Variants in EZH1 observed in about 807,000 individuals in gnomAD.
The protein encoded by EZH1 is enhancer of zeste 1 polycomb repressive complex 2 subunit, also known as histone-lysine N-methyltransferase EZH1.
Under a neutral mutation model 100.5 loss-of-function variants are expected in EZH1, and 33 were observed. That is an observed-to-expected ratio of 0.33 (90% confidence interval 0.25 to 0.44). The LOEUF is 0.44. EZH1 is among the 20% of genes least tolerant of loss of function. The pLI, the probability that EZH1 is intolerant of heterozygous loss-of-function variation, is 1.00. For missense variants in EZH1, 475 were observed against 928.4 expected, an observed-to-expected ratio of 0.51 and a Z score of 6.35; for synonymous variants, 272 against 313.8, an observed-to-expected ratio of 0.87 and a Z score of 1.41.
intron 13 of EZH1, 121 bp from the exon 14 acceptor site, chr17:42,709,037 A>G: frequency 1.8e-6 from 2 of 1,085,770 alleles, no homozygotes; most frequent in Non-Finnish European, 2.8e-6. Context: ...TATCTTCCCA[A>G]ACCCCTCAAC....
intron 8 of EZH1, 89 bp downstream of exon 8, chr17:42,719,016 C>T: frequency 1.0e-6 from 1 of 983,488 alleles, no homozygotes; most frequent in Non-Finnish European, 1.6e-6. Flanking sequence ...TTACCATAAA[C>T]AAAGCTTTTT....
At chr17:42,728,800 C>G (rs770026995) in intron 3 of EZH1, 25 bp downstream of exon 3, 1 of 1,604,092 alleles carries the variant, frequency 6.2e-7, no homozygotes, top group South Asian at 1.1e-5. Context: ...AATATATAAA[C>G]TTTCACTTGG....
chr17:42,720,801 G>A (rs1349074187), intron 6 of EZH1, among the ~76,000 whole-genome samples: 5 of 151,950 alleles, frequency 3.3e-5, no homozygotes, highest in African/African-American at 7.3e-5. Context: ...CTGAGATTAC[G>A]CATGTGCCAC....
At chr17:42,741,009 T>C (rs1161661675) in intron 1 of EZH1, among the ~76,000 whole-genome samples, 1 of 152,236 alleles carries the variant, frequency 6.6e-6, no homozygotes, top group East Asian at 1.9e-4. Flanking sequence ...CTGGGGACTT[T>C]CCAGAATGGA....
intron 11 of EZH1, among the ~76,000 whole-genome samples, 172 bp downstream of exon 11, chr17:42,713,037 C>CCA (rs1432167640): frequency 7.1e-5 from 6 of 83,998 alleles, no homozygotes; most frequent in African/African-American, 9.7e-5. Context: ...GAGACTGTTT[C>CCA]AAAAAAAAAA....
intron 10 of EZH1, among the ~76,000 whole-genome samples, chr17:42,714,949 A>T (rs991272646): frequency 1.4e-5 from 2 of 139,266 alleles, no homozygotes; most frequent in Non-Finnish European, 3.1e-5. Context: ...ATATATATTT[A>T]TATAATATAT....
At chr17:42,708,661 A>G (rs554035533) in intron 14 of EZH1, among the ~76,000 whole-genome samples, 75 of 152,242 alleles carry the variant, frequency 4.9e-4, no homozygotes, top group African/African-American at 1.7e-3. Context: ...TCTCAAAAAA[A>G]AGAAAAATCA....
chr17:42,705,051 C>A, intron 17 of EZH1, 37 bp downstream of exon 17: 1 of 1,521,182 alleles, frequency 6.6e-7, no homozygotes, highest in South Asian at 1.1e-5. Flanking sequence ...ATCAGTCTCC[C>A]CCGAGTAAGA....
intron 1 of EZH1, among the ~76,000 whole-genome samples, chr17:42,738,755 A>ATTT (rs763333138): frequency 7.7e-5 from 7 of 91,210 alleles, no homozygotes; most frequent in African/African-American, 1.7e-4. Context: ...CCTGGCCTAG[A>ATTT]TTTTTTTTTT....
At chr17:42,724,798 A>G (rs578256868) in intron 4 of EZH1, among the ~76,000 whole-genome samples, 1 of 152,052 alleles carries the variant, frequency 6.6e-6, no homozygotes, top group African/African-American at 2.4e-5. Flanking sequence ...AAAAAAGAGA[A>G]AAAAAATGAT....
chr17:42,727,824 A>T, intron 3 of EZH1, 61 bp from the exon 4 acceptor site: 3 of 1,207,108 alleles, frequency 2.5e-6, no homozygotes, highest in Non-Finnish European at 2.1e-6. Flanking sequence ...TTAATAATTT[A>T]TTTTTTTGAG....
At chr17:42,725,807 G>A (rs747567129) in intron 4 of EZH1, among the ~76,000 whole-genome samples, 5 of 152,188 alleles carry the variant, frequency 3.3e-5, no homozygotes, top group Non-Finnish European at 7.3e-5. Context: ...AGTACATGGA[G>A]AAGCAAAGTG....
rs181740770 is a variant in EZH1 at position 42,730,717 on chromosome 17, C to T, written c.-12+111G>A. ...TTCACCGTGTTAGCCAGGATGGTCTCGATCTCCTGACCTCGTGATCCGCCC... is the reference window on the plus strand; with the variant it reads ...TTCACCGTGTTAGCCAGGATGGTCTTGATCTCCTGACCTCGTGATCCGCCC... On this transcript the variant is annotated intron_variant, in intron 2 of 20. Coordinates refer to ENST00000428826, the MANE Select transcript of EZH1 (RefSeq NM_001991.5). 1,500 of 246,574 alleles carry T rather than the reference C, an allele frequency of 6.1e-3. 23 individuals carry two copies. The highest frequency in any genetic ancestry group is 0.032 in the African/African-American group (1,394 of 43,138). 15.3% of individuals were successfully genotyped at this position (246,574 alleles called of 1,614,324 possible).
Position 42,702,604 on chromosome 17 carries a change from C to G in EZH1, c.2184-12G>C. ...CAGCTTGGCTGTACCTGTCCCAGAG[C>G]AGGGAAGAGGAACCAGGTTACTCTC... is the stretch of plus-strand genomic sequence containing the variant. On this transcript the variant is annotated splice_polypyrimidine_tract_variant and intron_variant, in intron 20 of 20. Transcript: ENST00000428826. 6.4e-7 allele frequency: 1 copy of G among 1,563,888 alleles called. No homozygotes were observed. Among genetic ancestry groups the G allele is most frequent in the East Asian group, 2.4e-5 (1 of 42,530 alleles).
chr17:42,709,639 C>T (rs576107660), intron 13 of EZH1: 1 of 540,238 alleles, frequency 1.9e-6, no homozygotes, highest in Non-Finnish European at 3.3e-6. Flanking sequence ...GTCCACAGCA[C>T]TGGGGGACAA....
intron 11 of EZH1, 67 bp from the exon 12 acceptor site, chr17:42,712,552 A>C: frequency 6.9e-7 from 1 of 1,456,824 alleles, no homozygotes; most frequent in African/African-American, 1.4e-5. Context: ...AGTTTGTCAC[A>C]AACTCAGAAG....
intron 1 of EZH1, among the ~76,000 whole-genome samples, chr17:42,742,603 A>G (rs974454794): frequency 6.6e-6 from 1 of 152,204 alleles, no homozygotes; most frequent in African/African-American, 2.4e-5. Flanking sequence ...CCTGACTCCC[A>G]GTGCCAGAAA....
At chr17:42,724,155 T>C in intron 5 of EZH1, 150 bp downstream of exon 5, 1 of 808,198 alleles carries the variant, frequency 1.2e-6, no homozygotes, top group East Asian at 2.8e-5. Context: ...ATATATATTG[T>C]TTAGAGTAAG....
chr17:42,704,787 C>T (rs540646230), intron 17 of EZH1, 104 bp from the exon 18 acceptor site: 22 of 837,468 alleles, frequency 2.6e-5, no homozygotes, highest in South Asian at 1.6e-4. Context: ...TGGGTGCTTA[C>T]TGAGCATCAT....
Sources: gnomAD v4.1 joint callset for allele counts (sites outside exome capture counted in the v4.1 genomes callset) on GRCh38, gnomAD v4.1.1 for gene constraint, MANE v1.5 for transcripts, NCBI Gene and HGNC (gene_info 2026-07-23, HGNC 2026-07-21) for gene names.